The following SKA2 variants were observed in gnomAD, a reference collection of about 807,000 sequenced individuals.
SKA2 encodes the protein spindle and kinetochore associated complex subunit 2, also known as spindle and kinetochore-associated protein 2.
A neutral mutation model predicts 16.9 loss-of-function variants in SKA2; 13 were observed. That is an observed-to-expected ratio of 0.77 (90% CI 0.50 to 1.22). SKA2 has a LOEUF of 1.22. Ranked by LOEUF, SKA2 falls within the 50% of genes most tolerant of loss-of-function variation. The probability of loss-of-function intolerance (pLI) is 0.00; values close to 1 mark genes in which losing one functional copy is unlikely to be tolerated. For synonymous variants in SKA2, 47 were observed against 48.5 expected (o/e 0.97, Z 0.13); for missense variants, 107 against 139.7 (o/e 0.77, Z 1.18).
intron 1 of SKA2, among the ~76,000 whole-genome samples, chr17:59,147,144 G>A (rs962112448): frequency 1.3e-5 from 2 of 151,830 alleles, no homozygotes; most frequent in African/African-American, 4.8e-5. Context: ...GACAACAAGA[G>A]CAAAACGCCA....
intron 2 of SKA2, among the ~76,000 whole-genome samples, chr17:59,129,919 GGGAAGGAA>G (rs368205069): frequency 1.4e-4 from 19 of 133,858 alleles, no homozygotes; most frequent in African/African-American, 4.5e-4. Context: ...GAGGGAGGGA[GGGAAGGAA>G]GGAAGGAAGG....
chr17:59,145,937 C>T (rs555886760), intron 1 of SKA2, among the ~76,000 whole-genome samples: 6 of 151,694 alleles, frequency 4.0e-5, no homozygotes, highest in African/African-American at 1.5e-4. Context: ...TTGCAGTAAG[C>T]TGTGATTGAG....
At chr17:59,131,672 C>T (rs911084435) in intron 1 of SKA2, among the ~76,000 whole-genome samples, 2 of 152,056 alleles carry the variant, frequency 1.3e-5, no homozygotes, top group African/African-American at 2.4e-5. Context: ...CTAATAATGA[C>T]GTCAATAATT....
Position 59,120,442 on chromosome 17 carries a change from C to G in SKA2, c.121-947G>C, listed in dbSNP as rs145959650. ...TTTTTTTTTAAATAGATACAGGAAT[C>G]TCACTGTGTTGCCCAGGCTGGTCTT... On this transcript the variant is annotated intron_variant, in intron 2 of 3. Coordinates refer to ENST00000330137, the MANE Select transcript of SKA2 (RefSeq NM_182620.4). Among the ~76,000 whole-genome samples, 360 of 151,852 alleles carry G rather than the reference C, an allele frequency of 2.4e-3. 4 individuals carry two copies. Among genetic ancestry groups the G allele is most frequent in the African/African-American group, 8.3e-3 (344 of 41,420 alleles).
chr17:59,136,352 C>CG (rs1384883041), intron 1 of SKA2, among the ~76,000 whole-genome samples: 1 of 151,262 alleles, frequency 6.6e-6, no homozygotes, highest in Non-Finnish European at 1.5e-5. Flanking sequence ...TTAGTAGAGA[C>CG]GGGGTATCAC....
chr17:59,125,169 T>A (rs1462977660), intron 2 of SKA2, among the ~76,000 whole-genome samples: 3 of 130,534 alleles, frequency 2.3e-5, no homozygotes, highest in Admixed American at 1.5e-4. Context: ...TTTTTTTTTT[T>A]AGTAGAGATG....
At chr17:59,154,845 G>C in intron 1 of SKA2, 1 of 1,209,084 alleles carries the variant, frequency 8.3e-7, no homozygotes, top group South Asian at 1.4e-5. Context: ...ACCCGGCGCA[G>C]TTTCGTAAGG....
At chr17:59,137,871 G>C in intron 1 of SKA2, 2 of 498,090 alleles carry the variant, frequency 4.0e-6, no homozygotes, top group East Asian at 6.0e-5. Context: ...GTGATAAACA[G>C]AATTTTTTTT....
intron 1 of SKA2, among the ~76,000 whole-genome samples, chr17:59,150,889 T>G (rs1048786675): frequency 6.6e-6 from 1 of 152,258 alleles, no homozygotes; most frequent in East Asian, 1.9e-4. Context: ...AGCAACAAAT[T>G]ATAAAGTATT....
chr17:59,127,724 T>G (rs1208019429), intron 2 of SKA2, among the ~76,000 whole-genome samples: 1 of 152,034 alleles, frequency 6.6e-6, no homozygotes, highest in Non-Finnish European at 1.5e-5. Flanking sequence ...GTAAAATGCT[T>G]TAGATGCCTT....
chr17:59,129,087 G>A (rs749215044), intron 2 of SKA2, among the ~76,000 whole-genome samples: 1 of 152,102 alleles, frequency 6.6e-6, no homozygotes, highest in African/African-American at 2.4e-5. Context: ...GGTGGCGCAC[G>A]CCTATAATCC....
intron 1 of SKA2, among the ~76,000 whole-genome samples, chr17:59,146,824 C>T (rs748855077): frequency 1.3e-5 from 2 of 152,092 alleles, no homozygotes; most frequent in Non-Finnish European, 2.9e-5. Context: ...GTCACCACAC[C>T]GAGCTAATGT....
Position 59,112,307 on chromosome 17 carries a change from C to T in SKA2, c.336G>A (p.Glu112=). The T allele has an allele frequency of 6.2e-7, 1 of 1,611,160 alleles. No homozygotes were observed. The highest frequency in any genetic ancestry group is 8.5e-7 in the Non-Finnish European group (1 of 1,179,570). Residue 112 remains glutamate, a synonymous_variant, in exon 4 of 4, where the codon GAG becomes GAA. Coordinates refer to ENST00000330137, the MANE Select transcript of SKA2 (RefSeq NM_182620.4). ...AATCTGGCATGTGAAATTTGAATTG[C>T]TCTGCCGCAGTTTTCTCTTCTTTAG... ...PLTKEEKTAA[E]QFKFHMPDL is the part of the protein sequence containing the mutation.
intron 3 of SKA2, among the ~76,000 whole-genome samples, chr17:59,114,377 T>C (rs1401537361): frequency 6.6e-6 from 1 of 152,182 alleles, no homozygotes; most frequent in African/African-American, 2.4e-5. Context: ...CAGACTGTAC[T>C]TACACAAACA....
At chr17:59,122,674 T>C (rs1468843700) in intron 2 of SKA2, among the ~76,000 whole-genome samples, 1 of 151,722 alleles carries the variant, frequency 6.6e-6, no homozygotes, top group East Asian at 1.9e-4. Context: ...CCTATGGTGC[T>C]AGCTACTCGG....
chr17:59,135,141 AAGAG>A (rs536529080), intron 1 of SKA2, among the ~76,000 whole-genome samples: 222 of 151,782 alleles, frequency 1.5e-3, no homozygotes, highest in Admixed American at 4.9e-3. Context: ...GCATCTTTTT[AAGAG>A]AGAGGTTTCC....
chr17:59,116,759 CTTTT>C lies in SKA2; in HGVS notation c.297+2556_297+2559del, dbSNP rs1178745448. Among the ~76,000 whole-genome samples, 108 of 143,844 alleles carry C rather than the reference CTTTT, an allele frequency of 7.5e-4. 1 individual carries two copies. The highest frequency in any genetic ancestry group is 2.7e-3 in the African/African-American group (106 of 38,748). The allele number at this position is 143,844 out of a possible 152,430, so 94.4% of individuals were successfully genotyped here. A position where few individuals can be genotyped will look rare whatever the true frequency, so the allele number is the denominator to read the frequency against. On this transcript the variant is annotated intron_variant, in intron 3 of 3. Coordinates refer to ENST00000330137, the MANE Select transcript of SKA2 (RefSeq NM_182620.4). ...AATTTTAAAGCCCCTTTAAAATAAC[CTTTT>C]GGTTATTTTAGAAAATTTCAGAGGC...
intron 1 of SKA2, chr17:59,151,241 CA>C: frequency 2.0e-6 from 1 of 495,864 alleles, no homozygotes; most frequent in Non-Finnish European, 4.2e-6. Flanking sequence ...GAAAGGAACA[CA>C]AAAGCATCTT....
chr17:59,112,711 C>G (rs2046271232), intron 3 of SKA2, among the ~76,000 whole-genome samples: 1 of 152,088 alleles, frequency 6.6e-6, no homozygotes, highest in Admixed American at 6.5e-5. Flanking sequence ...TGCTCAAGTC[C>G]CTTATATAAA....
Sources: allele counts gnomAD v4.1 joint callset (sites outside exome capture counted in the v4.1 genomes callset), GRCh38; gene constraint gnomAD v4.1.1; transcripts MANE v1.5; gene names NCBI Gene and HGNC (gene_info 2026-07-23, HGNC 2026-07-21).